IL9R: variants seen among roughly 807,000 people sequenced by gnomAD.
IL9R encodes the protein interleukin 9 receptor.
Under a neutral mutation model 56.3 loss-of-function variants are expected in IL9R, and 54 were observed. That is an observed-to-expected ratio of 0.96 (90% CI 0.77 to 1.20). The LOEUF is 1.20. Ranked by LOEUF, IL9R falls within the 50% of genes most tolerant of loss-of-function variation. The probability of loss-of-function intolerance (pLI) is 0.00; values close to 1 mark genes in which losing one functional copy is unlikely to be tolerated. For missense variants in IL9R, 545 were observed against 629.8 expected (o/e 0.87, Z 1.44); for synonymous variants, 212 against 250.2 (o/e 0.85, Z 1.44).
In IL9R at chrX:156,001,189, G is replaced by A. The variant is rs3093483; in HGVS notation, c.29-1717G>A. 0.016 allele frequency: 9,413 copies of A among 602,152 alleles called. 694 individuals carry two copies. The African/African-American group carries it at 0.16, about 10-fold the overall frequency. The allele number at this position is 602,152 out of a possible 1,614,324, so 37.3% of individuals were successfully genotyped here. ...CCATCCCACTCCCTGCTCTCAAGCC[G>A]TCTGCTCCTGGGTTAGCCTGTGGCT... is the stretch of plus-strand genomic sequence containing the variant. On this transcript the variant is annotated intron_variant, in intron 1 of 8. Transcript: ENST00000244174.
At position 156,002,978 on chromosome X, in the gene IL9R, C is replaced by G; in HGVS notation, c.101C>G (p.Thr34Ser). The change falls in exon 2 of 9, where the codon ACC becomes AGC. Residue 34 changes from threonine to serine, a missense_variant. Around this residue, in one of 2 missense-constraint regions of IL9R, gnomAD observed 431 missense variants for 360.0 expected, o/e 1.20. Coordinates refer to ENST00000244174, the MANE Select transcript of IL9R (RefSeq NM_002186.3). Reference sequence around the variant, plus strand: ...CTCCTGGCCTGCATCTGCATCTGCACCTGTGTCTGCTTGGGAGTCTCTGTC... The same window carrying G: ...CTCCTGGCCTGCATCTGCATCTGCAGCTGTGTCTGCTTGGGAGTCTCTGTC... Reference protein sequence around the residue: ...TWLLACICICTCVCLGVSVTG... With the variant: ...TWLLACICICSCVCLGVSVTG... 6.2e-7 allele frequency: 1 copy of G among 1,613,854 alleles called. No homozygotes were observed. Among genetic ancestry groups the G allele is most frequent in the Non-Finnish European group, 8.5e-7 (1 of 1,179,840 alleles).
intron 1 of IL9R, among the ~76,000 whole-genome samples, chrX:155,998,990 G>A (rs1569466438): frequency 6.6e-6 from 1 of 152,048 alleles, no homozygotes; most frequent in Non-Finnish European, 1.5e-5. Context: ...CCTCACTCCA[G>A]CCCTGGCCCA....
Position 156,003,828 on chromosome X carries a change from G to A in IL9R, c.406G>A (p.Asp136Asn), listed in dbSNP as rs1447368781. The change falls in exon 4 of 9, where the codon GAC (aspartate) becomes AAC (asparagine). Residue 136 changes from aspartate to asparagine, a missense_variant. Coordinates refer to ENST00000244174, the MANE Select transcript of IL9R (RefSeq NM_002186.3). ...MSGREQVSLVDPEYLPRRHVK... is the reference protein window; with the variant it reads ...MSGREQVSLVNPEYLPRRHVK... ...TGGGAGGGAGCAGGTCAGCCTGGTG[G>A]ACCCGGAGTACCTGCCCCGGAGACA... 2 of 1,613,860 alleles carry A rather than the reference G, an allele frequency of 1.2e-6. No individual in the cohort carries two copies. The highest frequency in any genetic ancestry group is 2.7e-5 in the African/African-American group (2 of 74,938).
chrX:156,003,497 T>C lies in IL9R; in HGVS notation c.191T>C (p.Ile64Thr). Reference protein sequence around the residue: ...FTCLTNNILRIDCHWSAPELG... With the variant: ...FTCLTNNILRTDCHWSAPELG... ...TGCCTCACCAACAACATTCTCAGGA[T>C]CGATTGCCACTGGTCTGCCCCAGAG... Residue 64 changes from isoleucine (I) to threonine (T), a missense_variant, in exon 3 of 9, where the codon ATC becomes ACC. Physicochemically the swap from Ile to Thr is moderately conservative, Grantham distance 89. Transcript: ENST00000244174. The C allele has an allele frequency of 6.2e-7, 1 of 1,612,302 alleles. No individual in the cohort carries two copies. The highest frequency in any genetic ancestry group is 8.5e-7 in the Non-Finnish European group (1 of 1,179,816).
At position 156,002,776 on chromosome X, in the gene IL9R, T is replaced by C. The variant is rs754116923; in HGVS notation, c.29-130T>C. 1.1e-4 allele frequency: 147 copies of C among 1,288,046 alleles called. No homozygotes were observed. The African/African-American group carries it at 1.9e-3, about 17-fold the overall frequency. 79.8% of individuals were successfully genotyped at this position (1,288,046 alleles called of 1,614,324 possible). A position where few individuals can be genotyped will look rare whatever the true frequency, so the allele number is the denominator to read the frequency against. On this transcript the variant is annotated intron_variant, in intron 1 of 8. Transcript: ENST00000244174. ...TCCAGGACGCTGGACACTGTGTGAG[T>C]GTTAGGACACAGGACACTGTGTGAG...
At chrX:156,000,093 G>A (rs934335615) in intron 1 of IL9R, among the ~76,000 whole-genome samples, 1 of 150,616 alleles carries the variant, frequency 6.6e-6, no homozygotes, top group African/African-American at 2.5e-5. Context: ...CCGAGATCAC[G>A]CCACTGTGTT....
chrX:156,005,256 C>G, intron 5 of IL9R, 22 bp from the exon 6 acceptor site: 1 of 1,609,468 alleles, frequency 6.2e-7, no homozygotes, highest in Non-Finnish European at 8.5e-7. Flanking sequence ...TCACCACCTG[C>G]TAACTGTCCC....
Position 156,001,193 on chromosome X carries a change from G to T in IL9R, c.29-1713G>T, listed in dbSNP as rs947230251. 3 of 608,196 alleles carry T rather than the reference G, an allele frequency of 4.9e-6. No homozygotes were observed. In the African/African-American group the frequency reaches 5.5e-5, roughly 11 times the overall value. 37.7% of individuals were successfully genotyped at this position (608,196 alleles called of 1,614,324 possible). On this transcript the variant is annotated intron_variant, in intron 1 of 8. Transcript: ENST00000244174. ...CCCACTCCCTGCTCTCAAGCCGTCT[G>T]CTCCTGGGTTAGCCTGTGGCTGGCC...
intron 1 of IL9R, among the ~76,000 whole-genome samples, chrX:155,998,523 C>A (rs1225329961): frequency 1.3e-5 from 2 of 152,104 alleles, no homozygotes; most frequent in African/African-American, 4.8e-5. Context: ...TCACCCTCTT[C>A]CCAGAGCTGT....
intron 1 of IL9R, chrX:156,001,531 C>T: frequency 6.7e-7 from 1 of 1,494,834 alleles, no homozygotes; most frequent in Non-Finnish European, 9.3e-7. Context: ...GATCATCAGT[C>T]TTAACAGGGG....
chrX:155,999,299 C>A (rs762034303), intron 1 of IL9R, among the ~76,000 whole-genome samples: 28 of 152,262 alleles, frequency 1.8e-4, no homozygotes, highest in Non-Finnish European at 3.7e-4. Context: ...CAAGTCCAGC[C>A]CTGACTTCTT....
chrX:156,003,813 C>G lies in IL9R; in HGVS notation c.391C>G (p.Gln131Glu), dbSNP rs771522601. Residue 131 changes from glutamine to glutamate, a missense_variant, in exon 4 of 9, where the codon CAG (glutamine) becomes GAG (glutamate). Physicochemically the swap from Gln to Glu is conservative, Grantham distance 29. Transcript: ENST00000244174. ...TFHHCMSGRE[Q>E]VSLVDPEYLP... ...CCACCACTGCATGTCTGGGAGGGAG[C>G]AGGTCAGCCTGGTGGACCCGGAGTA... 6.2e-7 allele frequency: 1 copy of G among 1,613,892 alleles called. No individual in the cohort carries two copies. The highest frequency in any genetic ancestry group is 8.5e-7 in the Non-Finnish European group (1 of 1,179,820).
At chrX:156,000,973 C>T (rs2067482122) in intron 1 of IL9R, among the ~76,000 whole-genome samples, 1 of 152,124 alleles carries the variant, frequency 6.6e-6, no homozygotes, top group Admixed American at 6.5e-5. Context: ...CCCTGCCCTG[C>T]TCAGCTTACC....
chrX:156,006,745 T>G (rs962396081), intron 7 of IL9R, among the ~76,000 whole-genome samples: 3 of 151,318 alleles, frequency 2.0e-5, no homozygotes, highest in African/African-American at 7.3e-5. Context: ...AGAGGGGTGT[T>G]GGGTGGGGCT....
chrX:156,001,951 G>A (rs3093489), intron 1 of IL9R, among the ~76,000 whole-genome samples: 6,927 of 152,264 alleles, frequency 0.045, 540 homozygotes, highest in African/African-American at 0.16. Flanking sequence ...AGTTCAGAAA[G>A]TGCCATCTGT....
chrX:156,010,136 C>T lies in IL9R; in HGVS notation c.1293C>T (p.Ser431=). 6.6e-7 allele frequency: 1 copy of T among 1,516,480 alleles called. No homozygotes were observed. 93.9% of individuals were successfully genotyped at this position (1,516,480 alleles called of 1,614,324 possible). Residue 431 remains serine, a synonymous_variant, in exon 9 of 9, where the codon AGC becomes AGT. Transcript: ENST00000244174. ...PAPPDSEGSR[S]SSSSSSSNNN... is the part of the protein sequence containing the mutation. ...CCCCAGACTCAGAGGGCAGCAGGAGCAGCAGCAGCAGCAGCAGCAGCAACA... is the reference window on the plus strand; with the variant it reads ...CCCCAGACTCAGAGGGCAGCAGGAGTAGCAGCAGCAGCAGCAGCAGCAACA...
intron 1 of IL9R, among the ~76,000 whole-genome samples, chrX:156,001,028 TCCCCTCAGATGGCCATAC>T (rs926051582): frequency 6.6e-6 from 1 of 152,006 alleles, no homozygotes; most frequent in African/African-American, 2.4e-5. Context: ...GCAGAGAACT[TCCCCTCAGATGGCCATAC>T]CCCCTTGTCG....
At chrX:156,004,212 C>T in intron 4 of IL9R, 4 of 607,998 alleles carry the variant, frequency 6.6e-6, no homozygotes, top group Non-Finnish European at 8.8e-6. Flanking sequence ...ATTTAGAAAC[C>T]ACCTAGTCTA....
At position 156,002,894 on chromosome X, in the gene IL9R, A is replaced by C; in HGVS notation, c.29-12A>C. 1 of 1,613,776 alleles carries C rather than the reference A, an allele frequency of 6.2e-7. No homozygotes were observed. ...ATGATTTGCACAGGGCCCTCAGCCC[A>C]GTCCCTTGCAGGCTGGACCTTGGAG... is the stretch of plus-strand genomic sequence containing the variant. On this transcript the variant is annotated splice_polypyrimidine_tract_variant and intron_variant, in intron 1 of 8. Coordinates refer to ENST00000244174, the MANE Select transcript of IL9R (RefSeq NM_002186.3).
Sources: gnomAD v4.1 joint callset for allele counts (sites outside exome capture counted in the v4.1 genomes callset) on GRCh38, gnomAD v4.1.1 for gene constraint, gnomAD v4.1.1 regional missense constraint, MANE v1.5 for transcripts, NCBI Gene and HGNC (gene_info 2026-07-23, HGNC 2026-07-21) for gene names.